PRRC2B: variants seen among roughly 807,000 people sequenced by gnomAD.
The protein encoded by PRRC2B is protein PRRC2B.
Under a neutral mutation model 242.3 loss-of-function variants are expected in PRRC2B, and 68 were observed. That is an observed-to-expected ratio of 0.28 (90% confidence interval 0.23 to 0.34). The LOEUF is 0.34. Ranked by LOEUF, PRRC2B falls within the 10% of genes least tolerant of loss-of-function variation. The pLI is 1.00. For missense variants in PRRC2B, 2,835 were observed against 2,954.8 expected (o/e 0.96, Z 0.94); for synonymous variants, 1,228 against 1,173.6 (o/e 1.05, Z -0.95).
intron 1 of PRRC2B, among the ~76,000 whole-genome samples, chr9:131,408,089 C>T (rs1246763820): frequency 6.6e-6 from 1 of 152,138 alleles, no homozygotes; most frequent in East Asian, 1.9e-4. Flanking sequence ...AGTGCCACAG[C>T]TAGAGGGGGT....
At chr9:131,394,797 C>A (rs1276467012) in intron 1 of PRRC2B, among the ~76,000 whole-genome samples, 4 of 151,722 alleles carry the variant, frequency 2.6e-5, no homozygotes, top group African/African-American at 4.8e-5. Flanking sequence ...GTGGGCCGGG[C>A]CCCGGCGGCG....
At chr9:131,423,369 T>C (rs2966348) in intron 1 of PRRC2B, among the ~76,000 whole-genome samples, 147,722 of 152,326 alleles carry the variant, frequency 0.97, 71,785 homozygotes, top group South Asian at 1. Context: ...GATAGGCTAG[T>C]TTAGCTTGGG....
chr9:131,393,910 C>A (rs1213396326), upstream of PRRC2B, among the ~76,000 whole-genome samples: 29 of 151,402 alleles, frequency 1.9e-4, no homozygotes, highest in African/African-American at 6.0e-4. Context: ...GCCCCTCCCC[C>A]CTGGCCCCAG....
At chr9:131,436,325 A>C (rs2131334557) in intron 3 of PRRC2B, among the ~76,000 whole-genome samples, 1 of 152,306 alleles carries the variant, frequency 6.6e-6, no homozygotes, top group South Asian at 2.1e-4. Flanking sequence ...AGTTTACCCC[A>C]CTACACTCCA....
At chr9:131,441,656 T>C (rs774564755) in intron 5 of PRRC2B, among the ~76,000 whole-genome samples, 7 of 152,208 alleles carry the variant, frequency 4.6e-5, no homozygotes, top group Non-Finnish European at 1.0e-4. Flanking sequence ...GCTAGAGTCA[T>C]GCATCTGTGA....
At chr9:131,436,872 A>T in intron 4 of PRRC2B, 150 bp downstream of exon 4, 1 of 635,892 alleles carries the variant, frequency 1.6e-6, no homozygotes, top group Non-Finnish European at 2.7e-6. Flanking sequence ...TGACTTTAGA[A>T]AACCGTCATG....
chr9:131,493,562 C>G (rs1281160264), intron 30 of PRRC2B, among the ~76,000 whole-genome samples: 4 of 152,224 alleles, frequency 2.6e-5, no homozygotes, highest in African/African-American at 9.7e-5. Context: ...GAATGAATGG[C>G]AGCAGATTAT....
At chr9:131,410,980 A>G (rs892962032) in intron 1 of PRRC2B, among the ~76,000 whole-genome samples, 1 of 151,656 alleles carries the variant, frequency 6.6e-6, no homozygotes, top group Non-Finnish European at 1.5e-5. Flanking sequence ...TTTTGCTTTG[A>G]AAGTTTTCTT....
intron 1 of PRRC2B, among the ~76,000 whole-genome samples, chr9:131,374,058 CAA>C (rs533611596): frequency 2.4e-3 from 209 of 87,908 alleles, no homozygotes; most frequent in African/African-American, 8.5e-3. Context: ...GACTCCGTCT[CAA>C]AAAAAAAAAA....
chr9:131,425,028 G>A (rs1001161878), intron 1 of PRRC2B, among the ~76,000 whole-genome samples: 65 of 152,198 alleles, frequency 4.3e-4, no homozygotes, highest in African/African-American at 1.4e-3. Context: ...GTGCAATGGC[G>A]CAATCTTGGC....
At chr9:131,457,991 T>C (rs894700554) in intron 10 of PRRC2B, among the ~76,000 whole-genome samples, 1 of 152,124 alleles carries the variant, frequency 6.6e-6, no homozygotes, top group African/African-American at 2.4e-5. Flanking sequence ...TGATCTGCAG[T>C]ATTACCGGGC....
chr9:131,442,048 C>T lies in PRRC2B; in HGVS notation c.470-2137C>T, dbSNP rs145004263. Reference sequence around the variant, plus strand: ...TGCTTACAATAATATATTCATGATTCTCGAAGCAGAAGAAAGAGATGGAAC... The same window carrying T: ...TGCTTACAATAATATATTCATGATTTTCGAAGCAGAAGAAAGAGATGGAAC... On this transcript the variant is annotated intron_variant, in intron 5 of 31. Transcript: ENST00000683519. Among the ~76,000 whole-genome samples, 312 of 152,018 alleles carry T rather than the reference C, an allele frequency of 2.1e-3. 2 individuals are homozygous for T. The highest frequency in any genetic ancestry group is 7.2e-3 in the African/African-American group (297 of 41,434).
chr9:131,420,447 T>TTC lies in PRRC2B; in HGVS notation c.-51-9646_-51-9645insCT, dbSNP rs1333648385. ...CTCTGCTTTTCTTTTTTCTTTTTCTTTTTCTTTTTCTTTCTTTCTTTCTTT... is the reference window on the plus strand; with the variant it reads ...CTCTGCTTTTCTTTTTTCTTTTTCTTTCTTTCTTTTTCTTTCTTTCTTTCTTT... On this transcript the variant is annotated intron_variant, in intron 1 of 31. Coordinates refer to ENST00000683519, the MANE Select transcript of PRRC2B (RefSeq NM_013318.4). Among the ~76,000 whole-genome samples, 54 of 118,538 alleles carry TTC rather than the reference T, an allele frequency of 4.6e-4. 1 individual carries two copies. Among genetic ancestry groups the TTC allele is most frequent in the Admixed American group, 1.1e-3 (12 of 11,252 alleles). 77.8% of individuals were successfully genotyped at this position (118,538 alleles called of 152,430 possible). A position where few individuals can be genotyped will look rare whatever the true frequency, so the allele number is the denominator to read the frequency against.
chr9:131,477,843 C>T lies in PRRC2B; in HGVS notation c.4506C>T (p.Asp1502=), dbSNP rs1943748657. 1 of 1,613,666 alleles carries T rather than the reference C, an allele frequency of 6.2e-7. No homozygotes were observed. The highest frequency in any genetic ancestry group is 1.3e-5 in the African/African-American group (1 of 74,912). The change falls in exon 17 of 32, where the codon GAC becomes GAT. Residue 1502 remains aspartate (D), a synonymous_variant. Transcript: ENST00000683519. ...ALERAAHASA[D]LPEASSKKAE... ...AGCGGGCAGCCCATGCCAGTGCTGA[C>T]CTTCCCGAAGCCTCCAGTAAAAAGG... is the stretch of plus-strand genomic sequence containing the variant.
At position 131,496,044 on chromosome 9, in the gene PRRC2B, A is replaced by T; in HGVS notation, c.*170A>T. The T allele has an allele frequency of 1.1e-6, 1 of 890,202 alleles. No homozygotes were observed. Among genetic ancestry groups the T allele is most frequent in the Non-Finnish European group, 1.7e-6 (1 of 601,826 alleles). 55.1% of individuals were successfully genotyped at this position (890,202 alleles called of 1,614,324 possible). On this transcript the variant is annotated 3_prime_UTR_variant, in exon 32 of 32. Transcript: ENST00000683519. ...AAAGCTCCGTTGTCAACCAGCTTGCACCCGTGGATATATGGCATTGACCCG... is the reference window on the plus strand; with the variant it reads ...AAAGCTCCGTTGTCAACCAGCTTGCTCCCGTGGATATATGGCATTGACCCG...
chr9:131,485,700 C>G (rs748944871), intron 25 of PRRC2B: 3 of 552,310 alleles, frequency 5.4e-6, no homozygotes, highest in East Asian at 9.7e-5. Flanking sequence ...CCTTCTGACC[C>G]TCCACTGTGG....
chr9:131,461,830 T>C (rs1390825580), intron 11 of PRRC2B, among the ~76,000 whole-genome samples: 1 of 152,196 alleles, frequency 6.6e-6, no homozygotes, highest in Non-Finnish European at 1.5e-5. Context: ...CCCGGCCTGC[T>C]CTTTGCTATT....
intron 30 of PRRC2B, among the ~76,000 whole-genome samples, chr9:131,493,805 A>G (rs1233573446): frequency 2.6e-5 from 4 of 151,528 alleles, no homozygotes; most frequent in Non-Finnish European, 5.9e-5. Flanking sequence ...ACACAGGCTG[A>G]GCGGGCCTAG....
chr9:131,475,162 C>G lies in PRRC2B; in HGVS notation c.3033C>G (p.Ala1011=), dbSNP rs1447416271. ...TGGAGGACAAAGGCCCTGGCCATGCCACTTTTGGCCGCGAGGCCACCAAAT... is the reference window on the plus strand; with the variant it reads ...TGGAGGACAAAGGCCCTGGCCATGCGACTTTTGGCCGCGAGGCCACCAAAT... The part of the protein sequence containing the change: ...TTLEDKGPGH[A]TFGREATKFE... Residue 1011 remains alanine, a synonymous_variant, in exon 16 of 32, where the codon GCC becomes GCG. Transcript: ENST00000683519. The G allele has an allele frequency of 6.2e-7, 1 of 1,613,070 alleles. No homozygotes were observed. Among genetic ancestry groups the G allele is most frequent in the African/African-American group, 1.3e-5 (1 of 74,904 alleles).
Sources: allele counts gnomAD v4.1 joint callset (sites outside exome capture counted in the v4.1 genomes callset), GRCh38; gene constraint gnomAD v4.1.1; transcripts MANE v1.5; gene names NCBI Gene and HGNC (gene_info 2026-07-23, HGNC 2026-07-21).